Variants in GRIA4 observed in about 807,000 individuals in gnomAD.
The protein encoded by GRIA4 is glutamate ionotropic receptor AMPA type subunit 4.
A neutral mutation model predicts 104.0 loss-of-function variants in GRIA4; 34 were observed. The observed-to-expected ratio is 0.33, with a 90% CI of 0.25 to 0.44. GRIA4 has a LOEUF of 0.44. GRIA4 is among the 20% of genes least tolerant of loss of function. GRIA4 has a pLI of 1.00. For synonymous variants in GRIA4, 386 were observed against 381.9 expected (o/e 1.01, Z -0.13); for missense variants, 750 against 1,096.5 (o/e 0.68, Z 4.46).
chr11:105,924,256 C>A, intron 11 of GRIA4, 143 bp from the exon 12 acceptor site: 1 of 534,462 alleles, frequency 1.9e-6, no homozygotes, highest in Non-Finnish European at 3.4e-6. Context: ...TTGTGTCTAT[C>A]ACTAGGCTTA....
At chr11:105,770,040 T>A (rs1227996378) in intron 4 of GRIA4, among the ~76,000 whole-genome samples, 3 of 152,088 alleles carry the variant, frequency 2.0e-5, no homozygotes, top group Non-Finnish European at 4.4e-5. Flanking sequence ...CAATGCTACA[T>A]TTTCCTTATG....
chr11:105,890,778 C>T (rs1946426960), intron 6 of GRIA4, among the ~76,000 whole-genome samples: 1 of 152,160 alleles, frequency 6.6e-6, no homozygotes, highest in Non-Finnish European at 1.5e-5. Flanking sequence ...GGGCATGCCC[C>T]TCCCTGATTC....
chr11:105,612,847 G>A (rs1352506479), intron 3 of GRIA4: 1 of 158,490 alleles, frequency 6.3e-6, no homozygotes, highest in Non-Finnish European at 1.4e-5. Flanking sequence ...GTAAGCATAG[G>A]TCTTGCTTTT....
At chr11:105,789,054 G>T (rs965829269) in intron 4 of GRIA4, among the ~76,000 whole-genome samples, 1 of 152,028 alleles carries the variant, frequency 6.6e-6, no homozygotes, top group Non-Finnish European at 1.5e-5. Context: ...CACACAGGTA[G>T]ATAAAATAAT....
At chr11:105,866,545 GTGTGTGTATATATATA>G (rs1565300523) in intron 5 of GRIA4, among the ~76,000 whole-genome samples, 1 of 71,216 alleles carries the variant, frequency 1.4e-5, no homozygotes, top group African/African-American at 6.2e-5. Flanking sequence ...ATGTGTGTGT[GTGTGTGTATATATATA>G]TATATATATA....
intron 14 of GRIA4, among the ~76,000 whole-genome samples, chr11:105,965,353 G>A (rs1002506109): frequency 1.7e-5 from 2 of 115,000 alleles, no homozygotes; most frequent in African/African-American, 3.3e-5. Context: ...TTTCCCTAGA[G>A]CTGCTGCTGT....
In GRIA4 at chr11:105,610,890, G is replaced by GT; in HGVS notation, c.-90-18_-90-17insT. 4.8e-6 allele frequency: 1 copy of GT among 207,236 alleles called. No individual in the cohort carries two copies. Among genetic ancestry groups the GT allele is most frequent in the Non-Finnish European group, 8.0e-6 (1 of 124,810 alleles). 12.8% of individuals were successfully genotyped at this position (207,236 alleles called of 1,614,324 possible). ...CTTTTCTTTTTTTTTTTTTTTTTTT[G>GT]GTTGATTTTAATTTTAGCGCCATCG... is the stretch of plus-strand genomic sequence containing the variant. On this transcript the variant is annotated splice_polypyrimidine_tract_variant and intron_variant, in intron 1 of 16. Coordinates refer to ENST00000282499, the MANE Select transcript of GRIA4 (RefSeq NM_000829.4).
chr11:105,890,569 C>T (rs1946419385), intron 6 of GRIA4, among the ~76,000 whole-genome samples: 2 of 152,172 alleles, frequency 1.3e-5, no homozygotes, highest in Non-Finnish European at 2.9e-5. Context: ...AATGAGAATA[C>T]ATTGATGTAT....
chr11:105,907,341 G>A (rs896305891), intron 9 of GRIA4, among the ~76,000 whole-genome samples: 7 of 152,094 alleles, frequency 4.6e-5, no homozygotes, highest in African/African-American at 7.2e-5. Flanking sequence ...CCATGGCAAC[G>A]ATCAACTCGG....
rs1945564051 is a variant in GRIA4, at chr11:105,870,231, A to C, written c.672+8023A>C. Among the ~76,000 whole-genome samples the C allele has an allele frequency of 2.0e-5, 3 of 150,426 alleles. No individual in the cohort carries two copies. In the South Asian group the frequency reaches 6.2e-4, roughly 31 times the overall value. The stretch of plus-strand genomic sequence containing the variant: ...ATATTCTGTTTTTATAATTTATTCT[A>C]ATTCTTTTAGAAATTATTCTAATTT... On this transcript the variant is annotated intron_variant, in intron 5 of 16. Coordinates refer to ENST00000282499, the MANE Select transcript of GRIA4 (RefSeq NM_000829.4).
chr11:105,819,290 T>G (rs191810281), intron 4 of GRIA4, among the ~76,000 whole-genome samples: 75 of 152,300 alleles, frequency 4.9e-4, no homozygotes, highest in Non-Finnish European at 8.8e-4. Context: ...TCTTACTATT[T>G]TTATGACCTT....
At chr11:105,724,101 T>C (rs1324015845) in intron 3 of GRIA4, among the ~76,000 whole-genome samples, 1 of 152,024 alleles carries the variant, frequency 6.6e-6, no homozygotes, top group Non-Finnish European at 1.5e-5. Context: ...GAGAACAGTA[T>C]GGAGATTCCC....
intron 4 of GRIA4, among the ~76,000 whole-genome samples, chr11:105,756,212 G>A (rs957022100): frequency 5.3e-5 from 8 of 152,102 alleles, no homozygotes; most frequent in African/African-American, 1.7e-4. Flanking sequence ...AGTTCACAAC[G>A]AATTAAAATT....
At chr11:105,908,741 A>G (rs573467882) in intron 9 of GRIA4, among the ~76,000 whole-genome samples, 5 of 152,132 alleles carry the variant, frequency 3.3e-5, no homozygotes, top group Non-Finnish European at 7.4e-5. Flanking sequence ...GGTCTTGCCA[A>G]TATCTAGGTA....
intron 3 of GRIA4, among the ~76,000 whole-genome samples, chr11:105,726,116 G>A (rs989523648): frequency 6.6e-6 from 1 of 152,124 alleles, no homozygotes; most frequent in African/African-American, 2.4e-5. Context: ...TACCTCCATA[G>A]AGCCCAGCAA....
intron 4 of GRIA4, among the ~76,000 whole-genome samples, chr11:105,832,806 CTG>C (rs1452953933): frequency 2.0e-5 from 3 of 151,964 alleles, no homozygotes. Flanking sequence ...TTTTTAGTGA[CTG>C]TATTCCACTC....
intron 4 of GRIA4, among the ~76,000 whole-genome samples, chr11:105,853,432 G>A (rs1368889485): frequency 6.6e-6 from 1 of 152,060 alleles, no homozygotes; most frequent in Middle Eastern, 3.2e-3. Context: ...GGGACTCTGG[G>A]CTTCTACAAC....
intron 3 of GRIA4, among the ~76,000 whole-genome samples, chr11:105,708,917 T>A (rs1008464790): frequency 1.3e-5 from 2 of 152,056 alleles, no homozygotes; most frequent in South Asian, 2.1e-4. Flanking sequence ...ATGAAGTAAA[T>A]GTAGATGTGT....
At chr11:105,784,227 TC>T (rs1341058549) in intron 4 of GRIA4, among the ~76,000 whole-genome samples, 1 of 152,320 alleles carries the variant, frequency 6.6e-6, no homozygotes, top group East Asian at 1.9e-4. Context: ...ATTGACTTTA[TC>T]CTAGAAATGT....
Sources: gnomAD v4.1 joint callset for allele counts (sites outside exome capture counted in the v4.1 genomes callset) on GRCh38, gnomAD v4.1.1 for gene constraint, MANE v1.5 for transcripts, NCBI Gene and HGNC (gene_info 2026-07-23, HGNC 2026-07-21) for gene names.